The following GOLM2 variants were observed in gnomAD, a reference collection of about 807,000 sequenced individuals.
GOLM2 encodes the protein protein GOLM2.
GOLM2 carries 26 observed loss-of-function variants against 55.9 expected under a neutral mutation model. The observed-to-expected ratio is 0.47, with a 90% CI of 0.34 to 0.65. The LOEUF is 0.65. Among genes scored for constraint, GOLM2 ranks in the 30% least tolerant of loss-of-function variants. The pLI is 0.01. For synonymous variants in GOLM2, 165 were observed against 194.6 expected (o/e 0.85, Z 1.27); for missense variants, 486 against 531.8 (o/e 0.91, Z 0.85).
intron 1 of GOLM2, among the ~76,000 whole-genome samples, chr15:44,308,952 T>C (rs1308537954): frequency 6.6e-6 from 1 of 152,278 alleles, no homozygotes; most frequent in East Asian, 1.9e-4. Context: ...ATGAACAACC[T>C]GTTTTAAAAA....
chr15:44,336,429 G>A (rs989907330), intron 4 of GOLM2, among the ~76,000 whole-genome samples: 19 of 152,086 alleles, frequency 1.2e-4, no homozygotes, highest in Non-Finnish European at 2.4e-4. Flanking sequence ...AACTGCTTAA[G>A]TTTTTAATAC....
chr15:44,318,063 G>A (rs1461994149), intron 1 of GOLM2, among the ~76,000 whole-genome samples: 1 of 152,136 alleles, frequency 6.6e-6, no homozygotes, highest in African/African-American at 2.4e-5. Flanking sequence ...AGGCCATATA[G>A]TCTCTGCCAC....
intron 1 of GOLM2, 144 bp from the exon 2 acceptor site, chr15:44,322,821 A>T (rs1360012920): frequency 5.9e-6 from 3 of 507,114 alleles, no homozygotes; most frequent in Non-Finnish European, 1.1e-5. Flanking sequence ...ATTATTGCTG[A>T]TTTTTTTTGG....
chr15:44,411,013 CTTTTTTT>C (rs201998296), intron 9 of GOLM2, among the ~76,000 whole-genome samples: 31 of 81,338 alleles, frequency 3.8e-4, no homozygotes, highest in African/African-American at 9.7e-4. Flanking sequence ...GTTTGTTTGA[CTTTTTTT>C]TTTTTTTTTT....
At chr15:44,358,542 G>A (rs1301290252) in intron 6 of GOLM2, among the ~76,000 whole-genome samples, 1 of 152,196 alleles carries the variant, frequency 6.6e-6, no homozygotes, top group South Asian at 2.1e-4. Flanking sequence ...AGAACAGAGA[G>A]TCCAGAGATA....
intron 6 of GOLM2, among the ~76,000 whole-genome samples, chr15:44,344,834 G>T (rs1340490876): frequency 2.0e-5 from 3 of 148,680 alleles, no homozygotes; most frequent in Admixed American, 6.7e-5. Context: ...CTGGAGTGCA[G>T]TGGCGCAATC....
intron 1 of GOLM2, among the ~76,000 whole-genome samples, chr15:44,294,573 G>A (rs1213167169): frequency 1.3e-5 from 2 of 151,964 alleles, no homozygotes; most frequent in African/African-American, 2.4e-5. Flanking sequence ...AATTAGTCGG[G>A]TATGGTGGTG....
chr15:44,366,498 G>C (rs534972573), intron 6 of GOLM2, among the ~76,000 whole-genome samples: 7 of 152,002 alleles, frequency 4.6e-5, no homozygotes, highest in Non-Finnish European at 1.0e-4. Flanking sequence ...GCCATGCATG[G>C]TGGCATACGC....
intron 9 of GOLM2, chr15:44,405,243 G>C (rs1308914977): frequency 2.0e-5 from 3 of 152,136 alleles, no homozygotes; most frequent in Admixed American, 2.0e-4. Context: ...GGAATATAAG[G>C]AAATGACAAA....
At chr15:44,298,008 C>T (rs947330162) in intron 1 of GOLM2, among the ~76,000 whole-genome samples, 63 of 147,192 alleles carry the variant, frequency 4.3e-4, no homozygotes, top group African/African-American at 1.5e-3. Flanking sequence ...GCTGGGATTA[C>T]AGGCACGCAC....
At chr15:44,386,518 C>G (rs2079445109) in intron 8 of GOLM2, among the ~76,000 whole-genome samples, 1 of 152,068 alleles carries the variant, frequency 6.6e-6, no homozygotes, top group African/African-American at 2.4e-5. Flanking sequence ...TTCATGATCC[C>G]TTGTAATTTT....
rs372220445 is a variant in GOLM2 at position 44,289,077 on chromosome 15, C to T, written c.48C>T (p.Leu16=). Residue 16 remains leucine (L), a synonymous_variant, in exon 1 of 10, where the codon CTC becomes CTT. Transcript: ENST00000299957. This position sits in a 1 kb window ranked among gnomAD's most constrained non-coding sequence, Gnocchi z 4.8. ...GGCGGGCTGGCCGCCTGCCCTCTCT[C>T]GTGCTGGTGGTGCTGCTGGTGGTGA... The part of the protein sequence containing the change: ...ANRRAGRLPS[L]VLVVLLVVIV... The T allele has an allele frequency of 3.3e-5, 54 of 1,613,954 alleles. No homozygotes were observed. The highest frequency in any genetic ancestry group is 4.4e-5 in the Non-Finnish European group (52 of 1,179,996).
intron 6 of GOLM2, among the ~76,000 whole-genome samples, chr15:44,373,184 A>C (rs555269817): frequency 1.3e-5 from 2 of 152,170 alleles, no homozygotes; most frequent in Non-Finnish European, 2.9e-5. Flanking sequence ...GCGGCCGGGC[A>C]CGGTGGCTCA....
At chr15:44,320,026 C>A (rs1392059395) in intron 1 of GOLM2, among the ~76,000 whole-genome samples, 1 of 152,156 alleles carries the variant, frequency 6.6e-6, no homozygotes, top group African/African-American at 2.4e-5. Context: ...AATTCCAGAA[C>A]GTTTTCATCA....
chr15:44,347,814 C>T (rs905934568), intron 6 of GOLM2, among the ~76,000 whole-genome samples: 13 of 152,072 alleles, frequency 8.5e-5, no homozygotes, highest in Admixed American at 7.9e-4. Flanking sequence ...CTTCTGTTTG[C>T]GGACAGGAAA....
At chr15:44,295,790 AACTT>A (rs2078752305) in intron 1 of GOLM2, among the ~76,000 whole-genome samples, 1 of 152,048 alleles carries the variant, frequency 6.6e-6, no homozygotes, top group African/African-American at 2.4e-5. Flanking sequence ...GACCCACTGT[AACTT>A]AAGCACTTTA....
chr15:44,405,778 G>T lies in GOLM2; in HGVS notation c.1240+2724G>T, dbSNP rs531404115. On this transcript the variant is annotated intron_variant, in intron 9 of 9. Coordinates refer to ENST00000299957, the MANE Select transcript of GOLM2 (RefSeq NM_138423.4). Reference sequence around the variant, plus strand: ...TGAGACTACAGCCGTGCACCACCACGTCCAGCTAAGTTTTGTATTTTTAGT... The same window carrying T: ...TGAGACTACAGCCGTGCACCACCACTTCCAGCTAAGTTTTGTATTTTTAGT... Among the ~76,000 whole-genome samples, 10 of 152,006 alleles carry T rather than the reference G, an allele frequency of 6.6e-5. No homozygotes were observed. In the East Asian group the frequency reaches 1.9e-3, roughly 30 times the overall value.
At chr15:44,297,846 G>A (rs1243278282) in intron 1 of GOLM2, among the ~76,000 whole-genome samples, 1 of 146,238 alleles carries the variant, frequency 6.8e-6, no homozygotes, top group Non-Finnish European at 1.5e-5. Context: ...GGGATTACAG[G>A]TGTGAGCCAC....
rs565836596 is a variant in GOLM2, at chr15:44,294,305, C to T, written c.327+4949C>T. 8.5e-5 allele frequency among the ~76,000 whole-genome samples: 13 copies of T among 152,168 alleles called. 1 individual carries two copies. The highest frequency in any genetic ancestry group is 1.4e-4 in the African/African-American group (6 of 41,516). ...AGAAACCAAGGTCTGCAGCTGGGCA[C>T]GGTGGCTCACGCCTGTAGTCCCAAC... On this transcript the variant is annotated intron_variant, in intron 1 of 9. Coordinates refer to ENST00000299957, the MANE Select transcript of GOLM2 (RefSeq NM_138423.4).
Sources: allele counts gnomAD v4.1 joint callset (sites outside exome capture counted in the v4.1 genomes callset), GRCh38; gene constraint gnomAD v4.1.1; non-coding constraint Gnocchi (gnomAD v3.1); transcripts MANE v1.5; gene names NCBI Gene and HGNC (gene_info 2026-07-23, HGNC 2026-07-21).